Variants in ACACA observed in about 807,000 individuals in gnomAD.
ACACA encodes acetyl-CoA carboxylase 1.
Under a neutral mutation model 296.1 loss-of-function variants are expected in ACACA, and 103 were observed. The observed-to-expected ratio is 0.35, with a 90% CI of 0.30 to 0.41. The LOEUF (loss-of-function observed/expected upper bound fraction) is 0.41. Among genes scored for constraint, ACACA ranks in the 10% least tolerant of loss-of-function variants. ACACA has a pLI of 1.00. For missense variants in ACACA, 1,554 were observed against 2,989.7 expected (o/e 0.52, Z 11.20); for synonymous variants, 953 against 1,038.6 (o/e 0.92, Z 1.58).
intron 19 of ACACA, among the ~76,000 whole-genome samples, chr17:37,245,933 C>A (rs2146001157): frequency 6.6e-6 from 1 of 152,254 alleles, no homozygotes; most frequent in South Asian, 2.1e-4. Flanking sequence ...TGTCCCTCCC[C>A]ATTAAACCTT....
At chr17:37,310,735 A>C (rs1174429307) in intron 3 of ACACA, among the ~76,000 whole-genome samples, 2 of 149,926 alleles carry the variant, frequency 1.3e-5, no homozygotes, top group African/African-American at 4.9e-5. Context: ...CAGAGGTTGC[A>C]GAGAGCCAAG....
At chr17:37,246,617 G>C (rs1567876213) in intron 19 of ACACA, among the ~76,000 whole-genome samples, 1 of 151,918 alleles carries the variant, frequency 6.6e-6, no homozygotes. Context: ...ATTTTTCATA[G>C]AGATGGGGTC....
chr17:37,323,228 G>A (rs547265808), intron 3 of ACACA, among the ~76,000 whole-genome samples: 11 of 152,364 alleles, frequency 7.2e-5, no homozygotes, highest in African/African-American at 2.2e-4. Flanking sequence ...TGGGGCAACC[G>A]AAGGAGCAAG....
At chr17:37,276,159 C>A (rs1053008284) in intron 7 of ACACA, 110 bp from the exon 8 acceptor site, 36 of 784,374 alleles carry the variant, frequency 4.6e-5, no homozygotes, top group Middle Eastern at 2.3e-4. Context: ...GTCCTCCCCC[C>A]ACCCCTCACA....
chr17:37,258,002 A>G (rs371482720), intron 13 of ACACA, 136 bp from the exon 14 acceptor site: 8 of 1,241,270 alleles, frequency 6.4e-6, no homozygotes, highest in African/African-American at 4.5e-5. Context: ...GCCAAGACCC[A>G]GTGCCACAGA....
At chr17:37,382,786 G>A (rs936036880) in intron 1 of ACACA, among the ~76,000 whole-genome samples, 2 of 152,142 alleles carry the variant, frequency 1.3e-5, no homozygotes. Context: ...CTTGAACCCA[G>A]GATGCAGAGG....
At chr17:37,091,827 T>C (rs144176891) in intron 54 of ACACA, among the ~76,000 whole-genome samples, 1 of 152,090 alleles carries the variant, frequency 6.6e-6, no homozygotes, top group Non-Finnish European at 1.5e-5. Context: ...TCCCCTGCCT[T>C]GGCCTCCCAA....
At chr17:37,182,692 T>C (rs1018251012) in intron 39 of ACACA, among the ~76,000 whole-genome samples, 4 of 152,216 alleles carry the variant, frequency 2.6e-5, no homozygotes, top group African/African-American at 9.6e-5. Context: ...TAAGGGTATG[T>C]GTATACCTAC....
At chr17:37,319,280 T>C (rs1013467119) in intron 3 of ACACA, among the ~76,000 whole-genome samples, 1 of 152,110 alleles carries the variant, frequency 6.6e-6, no homozygotes, top group Non-Finnish European at 1.5e-5. Context: ...AGTGTGTATA[T>C]TAAATTAGAT....
rs745352659 is a variant in ACACA, at chr17:37,283,218, T to A, written c.610+49A>T. 1.8e-5 allele frequency: 29 copies of A among 1,611,508 alleles called. No homozygotes were observed. In the Admixed American group the frequency reaches 4.8e-4, roughly 27 times the overall value. Reference sequence around the variant, plus strand: ...TTCTCCTACTTAAAGGCTGTGCTGTTCCATGTTTTAGTTTTGAGAGTGATG... The same window carrying A: ...TTCTCCTACTTAAAGGCTGTGCTGTACCATGTTTTAGTTTTGAGAGTGATG... On this transcript the variant is annotated intron_variant, in intron 5 of 55. Transcript: ENST00000616317.
At chr17:37,303,987 A>G (rs1052474982) in intron 3 of ACACA, among the ~76,000 whole-genome samples, 1 of 152,210 alleles carries the variant, frequency 6.6e-6, no homozygotes, top group African/African-American at 2.4e-5. Context: ...TTCTTATTTT[A>G]GGCATTCTGA....
Position 37,325,116 on chromosome 17 carries a change from G to A in ACACA, c.338+5057C>T, listed in dbSNP as rs113926847. Among the ~76,000 whole-genome samples, 688 of 150,868 alleles carry A rather than the reference G, an allele frequency of 4.6e-3. 2 individuals carry two copies. Among genetic ancestry groups the A allele is most frequent in the Non-Finnish European group, 7.1e-3 (482 of 67,724 alleles). ...CTCAGGGGGCTGAGGCAGGAGAATC[G>A]CTTGAACCCAGGAGGCGGAGGTTGC... On this transcript the variant is annotated intron_variant, in intron 3 of 55. Coordinates refer to ENST00000616317, the MANE Select transcript of ACACA (RefSeq NM_198834.3).
intron 11 of ACACA, among the ~76,000 whole-genome samples, chr17:37,260,813 C>T (rs1363830795): frequency 6.6e-6 from 1 of 152,018 alleles, no homozygotes; most frequent in African/African-American, 2.4e-5. Context: ...TGGAATAAAA[C>T]ACTTCCACCA....
At chr17:37,171,353 A>T (rs571654016) in intron 41 of ACACA, among the ~76,000 whole-genome samples, 1 of 152,268 alleles carries the variant, frequency 6.6e-6, no homozygotes, top group South Asian at 2.1e-4. Context: ...CAGGAATCTG[A>T]ACTTGAGTCC....
intron 30 of ACACA, among the ~76,000 whole-genome samples, chr17:37,209,997 TAACA>T (rs775356392): frequency 1.2e-4 from 19 of 152,216 alleles, no homozygotes; most frequent in Non-Finnish European, 2.6e-4. Context: ...GAAAATTAAC[TAACA>T]AACTGATAAA....
chr17:37,186,995 C>T (rs1259692203), intron 39 of ACACA, among the ~76,000 whole-genome samples: 2 of 152,004 alleles, frequency 1.3e-5, no homozygotes, highest in African/African-American at 4.8e-5. Context: ...AAGAATAGAC[C>T]TGCCTTGAAG....
chr17:37,343,509 G>A lies in ACACA; in HGVS notation c.39-3659C>T, dbSNP rs562398753. Among the ~76,000 whole-genome samples, 21 of 151,952 alleles carry A rather than the reference G, an allele frequency of 1.4e-4. No individual in the cohort carries two copies. In the South Asian group the frequency reaches 4.2e-3, roughly 30 times the overall value. The stretch of plus-strand genomic sequence containing the variant: ...AGGCCGGGTGCAGTGGCTCATGCCT[G>A]TAATCCCAGCACTTTGGGAGGCCAA... On this transcript the variant is annotated intron_variant, in intron 1 of 55. Coordinates refer to ENST00000616317, the MANE Select transcript of ACACA (RefSeq NM_198834.3).
intron 52 of ACACA, among the ~76,000 whole-genome samples, chr17:37,098,935 T>G (rs1201221842): frequency 6.6e-6 from 1 of 152,208 alleles, no homozygotes; most frequent in Admixed American, 6.5e-5. Flanking sequence ...AAAATTTAGC[T>G]GCCTGCCTAG....
intron 38 of ACACA, among the ~76,000 whole-genome samples, 166 bp from the exon 39 acceptor site, chr17:37,188,646 T>C (rs1208586274): frequency 6.6e-6 from 1 of 152,190 alleles, no homozygotes; most frequent in Non-Finnish European, 1.5e-5. Flanking sequence ...CAAACTATTC[T>C]TTCTTGGAAC....
Sources: allele counts gnomAD v4.1 joint callset (sites outside exome capture counted in the v4.1 genomes callset), GRCh38; gene constraint gnomAD v4.1.1; transcripts MANE v1.5; gene names NCBI Gene and HGNC (gene_info 2026-07-23, HGNC 2026-07-21).